The following GTF2IRD1 variants were observed in gnomAD, a reference collection of about 807,000 sequenced individuals.
The protein encoded by GTF2IRD1 is general transcription factor II-I repeat domain-containing protein 1.
A neutral mutation model predicts 113.2 loss-of-function variants in GTF2IRD1; 26 were observed. The ratio of observed to expected loss-of-function variants is 0.23; its 90% CI spans 0.17 to 0.32. The LOEUF is 0.32. Ranked by LOEUF, GTF2IRD1 falls within the 10% of genes least tolerant of loss-of-function variation. The pLI, the probability that GTF2IRD1 is intolerant of heterozygous loss-of-function variation, is 1.00. For missense variants in GTF2IRD1, 864 were observed against 1,280.8 expected (o/e 0.67, Z 4.97); for synonymous variants, 484 against 529.1 (o/e 0.91, Z 1.17).
Position 74,512,649 on chromosome 7 carries a change from G to A in GTF2IRD1, c.124-181G>A, listed in dbSNP as rs1453605833. Among the ~76,000 whole-genome samples the A allele has an allele frequency of 6.6e-6, 1 of 152,206 alleles. No homozygotes were observed. The highest frequency in any genetic ancestry group is 6.5e-5 in the Admixed American group (1 of 15,278). ...ACCCCCCATCGCCAATGCCTGCAGGGCCATTTCATTCAGTCCCACTACAGA... is the reference window on the plus strand; with the variant it reads ...ACCCCCCATCGCCAATGCCTGCAGGACCATTTCATTCAGTCCCACTACAGA... On this transcript the variant is annotated intron_variant, in intron 2 of 26. Transcript: ENST00000424337. This position sits in a 1 kb window ranked among gnomAD's most constrained non-coding sequence, Gnocchi z 4.4.
chr7:74,564,654 G>A (rs1800182114), intron 22 of GTF2IRD1, among the ~76,000 whole-genome samples: 1 of 152,198 alleles, frequency 6.6e-6, no homozygotes, highest in Non-Finnish European at 1.5e-5. Context: ...TACTCGGGAG[G>A]CTGAGGCGGG....
chr7:74,530,614 G>T (rs1797909486), intron 9 of GTF2IRD1, among the ~76,000 whole-genome samples: 1 of 142,268 alleles, frequency 7.0e-6, no homozygotes, highest in Non-Finnish European at 1.5e-5. Flanking sequence ...AAAAAAGGCG[G>T]CAGGGGTGGG....
In GTF2IRD1 at chr7:74,555,542, T is replaced by A. The variant is rs1799540958; in HGVS notation, c.2023+48T>A. On this transcript the variant is annotated intron_variant, in intron 19 of 26. Coordinates refer to ENST00000424337, the MANE Select transcript of GTF2IRD1 (RefSeq NM_005685.4). This position sits in a 1 kb window ranked among gnomAD's most constrained non-coding sequence, Gnocchi z 5.3. ...GTCTGTTGTCCCAGCACCAGGACAT[T>A]GACCTGGTTTGGGTTTGGAGGGCCA... The A allele has an allele frequency of 8.1e-7, 1 of 1,240,150 alleles. No homozygotes were observed. The highest frequency in any genetic ancestry group is 1.5e-5 in the African/African-American group (1 of 67,640). The allele number at this position is 1,240,150 out of a possible 1,614,324, so 76.8% of individuals were successfully genotyped here. A position where few individuals can be genotyped will look rare whatever the true frequency, so the allele number is the denominator to read the frequency against.
intron 17 of GTF2IRD1, among the ~76,000 whole-genome samples, chr7:74,551,329 C>T (rs1298463333): frequency 7.9e-5 from 12 of 151,700 alleles, no homozygotes; most frequent in African/African-American, 2.9e-4. Flanking sequence ...GGCGACAGAG[C>T]GAGACTCCTT....
chr7:74,537,947 C>T (rs1251229201), intron 11 of GTF2IRD1, among the ~76,000 whole-genome samples, 189 bp from the exon 12 acceptor site: 1 of 152,228 alleles, frequency 6.6e-6, no homozygotes, highest in Non-Finnish European at 1.5e-5. Flanking sequence ...TCCCTGGAGA[C>T]AAGACACGGG....
intron 22 of GTF2IRD1, among the ~76,000 whole-genome samples, chr7:74,568,672 A>C (rs1800496212): frequency 6.6e-6 from 1 of 152,028 alleles, no homozygotes; most frequent in African/African-American, 2.4e-5. Flanking sequence ...AGAAGAAGAA[A>C]AAGAAAGAAA....
At chr7:74,499,198 G>C (rs559868805) in intron 1 of GTF2IRD1, among the ~76,000 whole-genome samples, 1 of 152,184 alleles carries the variant, frequency 6.6e-6, no homozygotes, top group Admixed American at 6.6e-5. Flanking sequence ...GCCTTGCCAC[G>C]ACCTACCAGG....
At chr7:74,497,588 C>T (rs906387657) in intron 1 of GTF2IRD1, among the ~76,000 whole-genome samples, 4 of 151,896 alleles carry the variant, frequency 2.6e-5, no homozygotes, top group African/African-American at 9.7e-5. Flanking sequence ...GAGGAACCGC[C>T]ATGCTGTTTT....
intron 22 of GTF2IRD1, among the ~76,000 whole-genome samples, chr7:74,581,387 T>C (rs146045204): frequency 2.7e-3 from 406 of 152,308 alleles, no homozygotes; most frequent in Non-Finnish European, 4.5e-3. Flanking sequence ...CGCGAGCTGA[T>C]TGCAGAGCTG....
At chr7:74,510,958 A>G (rs1009305206) in intron 2 of GTF2IRD1, among the ~76,000 whole-genome samples, 2 of 151,836 alleles carry the variant, frequency 1.3e-5, no homozygotes, top group African/African-American at 4.8e-5. Flanking sequence ...CCGAGGCAGG[A>G]GAATCGCCTG....
chr7:74,503,671 C>T (rs1796151344), intron 1 of GTF2IRD1, among the ~76,000 whole-genome samples: 1 of 152,154 alleles, frequency 6.6e-6, no homozygotes, highest in East Asian at 1.9e-4. Context: ...ATCACTTGGA[C>T]ATGGGAGGCG....
chr7:74,516,741 G>A (rs929582051), intron 4 of GTF2IRD1, among the ~76,000 whole-genome samples: 2 of 152,108 alleles, frequency 1.3e-5, no homozygotes, highest in South Asian at 2.1e-4. Flanking sequence ...TGCCTCTGTC[G>A]ACACTTTTGC....
chr7:74,549,350 A>G (rs1799154510), intron 17 of GTF2IRD1, among the ~76,000 whole-genome samples: 2 of 151,958 alleles, frequency 1.3e-5, no homozygotes, highest in Admixed American at 1.3e-4. Flanking sequence ...GTGGCAAGAA[A>G]GAAGAGACTC....
intron 14 of GTF2IRD1, among the ~76,000 whole-genome samples, chr7:74,541,288 C>T (rs1164860029): frequency 6.6e-6 from 1 of 151,402 alleles, no homozygotes; most frequent in Middle Eastern, 3.2e-3. Flanking sequence ...GCCAGGAGTT[C>T]GAGACCAGCC....
intron 19 of GTF2IRD1, among the ~76,000 whole-genome samples, chr7:74,556,003 A>G (rs1562866473): frequency 6.6e-6 from 1 of 152,090 alleles, no homozygotes; most frequent in African/African-American, 2.4e-5. Context: ...TAATCCCAGC[A>G]CTTTGGGCGG....
Position 74,555,525 on chromosome 7 carries a change from T to C in GTF2IRD1, c.2023+31T>C. 7.3e-7 allele frequency: 1 copy of C among 1,369,560 alleles called. No homozygotes were observed. Among genetic ancestry groups the C allele is most frequent in the Non-Finnish European group, 1.0e-6 (1 of 957,474 alleles). The allele number at this position is 1,369,560 out of a possible 1,614,324, so 84.8% of individuals were successfully genotyped here. Reference sequence around the variant, plus strand: ...GTTGAGCTCACGGGGAGGTCTGTTGTCCCAGCACCAGGACATTGACCTGGT... The same window carrying C: ...GTTGAGCTCACGGGGAGGTCTGTTGCCCCAGCACCAGGACATTGACCTGGT... On this transcript the variant is annotated intron_variant, in intron 19 of 26. Coordinates refer to ENST00000424337, the MANE Select transcript of GTF2IRD1 (RefSeq NM_005685.4). The surrounding 1 kb of genome is among the most constrained non-coding windows in gnomAD (Gnocchi z 5.3).
At chr7:74,540,524 A>G (rs1554351415) in intron 14 of GTF2IRD1, among the ~76,000 whole-genome samples, 1 of 151,994 alleles carries the variant, frequency 6.6e-6, no homozygotes, top group African/African-American at 2.4e-5. Flanking sequence ...TTATCCAACA[A>G]CTATTTATTG....
rs1218470340 is a variant in GTF2IRD1, at chr7:74,571,860, C to CA, written c.2320+12217dup. Among the ~76,000 whole-genome samples the CA allele has an allele frequency of 3.1e-3, 441 of 144,466 alleles. 1 individual carries two copies. Among genetic ancestry groups the CA allele is most frequent in the Non-Finnish European group, 5.4e-3 (351 of 65,606 alleles). The allele number at this position is 144,466 out of a possible 152,430, so 94.8% of individuals were successfully genotyped here. A position where few individuals can be genotyped will look rare whatever the true frequency, so the allele number is the denominator to read the frequency against. Reference sequence around the variant, plus strand: ...TGGGCAACAGAGTGAGACCTTGTCTCAAAAAAAAAAAATTACATGCCACCG... The same window carrying CA: ...TGGGCAACAGAGTGAGACCTTGTCTCAAAAAAAAAAAAATTACATGCCACCG... On this transcript the variant is annotated intron_variant, in intron 22 of 26. Coordinates refer to ENST00000424337, the MANE Select transcript of GTF2IRD1 (RefSeq NM_005685.4).
chr7:74,513,024 C>A, intron 3 of GTF2IRD1, 53 bp downstream of exon 3: 1 of 1,567,112 alleles, frequency 6.4e-7, no homozygotes, highest in South Asian at 1.1e-5. Context: ...CGAGGGCAGG[C>A]GCTCTAGCCC....
Sources: gnomAD v4.1 joint callset for allele counts (sites outside exome capture counted in the v4.1 genomes callset) on GRCh38, gnomAD v4.1.1 for gene constraint, Gnocchi (gnomAD v3.1) non-coding constraint, MANE v1.5 for transcripts, NCBI Gene and HGNC (gene_info 2026-07-23, HGNC 2026-07-21) for gene names.